TMEM120B: variants seen among roughly 807,000 people sequenced by gnomAD.
TMEM120B encodes transmembrane protein 120B.
A neutral mutation model predicts 55.5 loss-of-function variants in TMEM120B; 31 were observed. The ratio of observed to expected loss-of-function variants is 0.56; its 90% confidence interval spans 0.42 to 0.75. TMEM120B has a LOEUF of 0.75. Ranked by LOEUF, TMEM120B falls within the 30% of genes least tolerant of loss-of-function variation. TMEM120B has a pLI of 0.00. For synonymous variants in TMEM120B, 203 were observed against 176.3 expected (o/e 1.15, Z -1.20); for missense variants, 399 against 425.5 (o/e 0.94, Z 0.55).
At position 121,712,854 on chromosome 12, in the gene TMEM120B, G is replaced by A. The variant is rs1894625049; in HGVS notation, c.-42G>A. The stretch of plus-strand genomic sequence containing the variant: ...GCTGGGGGGCCGGTCGGGCAGCGCT[G>A]CGGGAGCAGCCGCCGGCACCGCCGC... On this transcript the variant is annotated 5_prime_UTR_variant, in exon 1 of 12. Transcript: ENST00000449592. 1 of 1,407,306 alleles carries A rather than the reference G, an allele frequency of 7.1e-7. No individual in the cohort carries two copies. Among genetic ancestry groups the A allele is most frequent in the Non-Finnish European group, 9.3e-7 (1 of 1,076,716 alleles). The allele number at this position is 1,407,306 out of a possible 1,614,324, so 87.2% of individuals were successfully genotyped here.
Position 121,775,623 on chromosome 12 carries a change from G to C in TMEM120B, c.921G>C (p.Ala307=). The C allele has an allele frequency of 6.2e-7, 1 of 1,613,820 alleles. No individual in the cohort carries two copies. The highest frequency in any genetic ancestry group is 2.2e-5 in the East Asian group (1 of 44,884). ...GACTCCCCCAGGTGTTCGTACTGGC[G>C]TTCACCTTCCTCATCCTCTTCCTCG... The part of the protein sequence containing the change: ...ECREWQVFVL[A]FTFLILFLGN... Residue 307 remains alanine, a synonymous_variant, in exon 12 of 12, where the codon GCG becomes GCC. Transcript: ENST00000449592. This position sits in a 1 kb window ranked among gnomAD's most constrained non-coding sequence, Gnocchi z 4.3.
intron 6 of TMEM120B, among the ~76,000 whole-genome samples, chr12:121,767,173 T>C (rs1280789505): frequency 6.6e-6 from 1 of 152,250 alleles, no homozygotes; most frequent in Non-Finnish European, 1.5e-5. Flanking sequence ...TTGTTTTGTT[T>C]TGTTTGAGAT....
At chr12:121,736,954 C>G (rs1040618509) in intron 1 of TMEM120B, among the ~76,000 whole-genome samples, 1 of 152,090 alleles carries the variant, frequency 6.6e-6, no homozygotes, top group African/African-American at 2.4e-5. Context: ...GTGGTTAAAG[C>G]TTCTATATAG....
At chr12:121,735,202 A>C (rs1460392270) in intron 1 of TMEM120B, among the ~76,000 whole-genome samples, 220 of 141,636 alleles carry the variant, frequency 1.6e-3, no homozygotes, top group African/African-American at 5.3e-3. Context: ...AAAAAAAAAC[A>C]AAAAAAAAAA....
chr12:121,781,081 A>G lies in TMEM120B; in HGVS notation c.*5359A>G. 6.2e-7 allele frequency: 1 copy of G among 1,614,182 alleles called. No homozygotes were observed. The highest frequency in any genetic ancestry group is 8.5e-7 in the Non-Finnish European group (1 of 1,180,012). On this transcript the variant is annotated 3_prime_UTR_variant, in exon 12 of 12. Coordinates refer to ENST00000449592, the MANE Select transcript of TMEM120B (RefSeq NM_001080825.2). Reference sequence around the variant, plus strand: ...GGCCACCACCCAGGAGGCCGGCCTCACCTTGATGAGGACGTTGTCGTAGCT... The same window carrying G: ...GGCCACCACCCAGGAGGCCGGCCTCGCCTTGATGAGGACGTTGTCGTAGCT...
At chr12:121,753,207 A>G (rs920143477) in intron 5 of TMEM120B, among the ~76,000 whole-genome samples, 1 of 152,204 alleles carries the variant, frequency 6.6e-6, no homozygotes, top group Admixed American at 6.5e-5. Context: ...AGAACCAGTC[A>G]CAAAAAGATA....
chr12:121,764,452 C>T (rs1430135562), intron 6 of TMEM120B, among the ~76,000 whole-genome samples: 2 of 151,836 alleles, frequency 1.3e-5, no homozygotes, highest in African/African-American at 4.8e-5. Context: ...ACCCGGGAGG[C>T]TGAGGTTGTG....
At chr12:121,713,997 T>G (rs1894648491) in intron 1 of TMEM120B, among the ~76,000 whole-genome samples, 1 of 152,102 alleles carries the variant, frequency 6.6e-6, no homozygotes, top group Non-Finnish European at 1.5e-5. Context: ...GAGAGGAGGT[T>G]GCCAAGGGTG....
At chr12:121,713,350 A>C (rs1158915623) in intron 1 of TMEM120B, among the ~76,000 whole-genome samples, 2 of 151,170 alleles carry the variant, frequency 1.3e-5, no homozygotes, top group Non-Finnish European at 3.0e-5. Flanking sequence ...GCCCCCTCCC[A>C]TCTGCTTTTG....
chr12:121,748,920 C>T (rs532879657), intron 3 of TMEM120B, among the ~76,000 whole-genome samples: 2 of 152,186 alleles, frequency 1.3e-5, no homozygotes, highest in Admixed American at 6.5e-5. Context: ...CTCCAAAGCC[C>T]ACGTTCTTTG....
chr12:121,732,362 C>G (rs918585183), intron 1 of TMEM120B, among the ~76,000 whole-genome samples: 2 of 152,058 alleles, frequency 1.3e-5, no homozygotes, highest in African/African-American at 2.4e-5. Context: ...AGAGCTAAGG[C>G]TGGGGGTGGA....
intron 6 of TMEM120B, 62 bp from the exon 7 acceptor site, chr12:121,770,845 C>G: frequency 4.0e-6 from 6 of 1,513,286 alleles, no homozygotes; most frequent in Non-Finnish European, 4.6e-6. Flanking sequence ...GGGGCCTCAG[C>G]GAGACACATG....
chr12:121,773,162 G>A (rs1307034107), intron 8 of TMEM120B, among the ~76,000 whole-genome samples: 1 of 152,238 alleles, frequency 6.6e-6, no homozygotes, highest in Non-Finnish European at 1.5e-5. Context: ...AATTCCAGAA[G>A]TTTCAAATCT....
intron 1 of TMEM120B, among the ~76,000 whole-genome samples, chr12:121,738,804 G>C (rs1872829295): frequency 6.6e-6 from 1 of 152,154 alleles, no homozygotes; most frequent in Admixed American, 6.6e-5. Flanking sequence ...GTAGCATGCT[G>C]GTCCCCACAC....
rs35018846 is a variant in TMEM120B at position 121,726,578 on chromosome 12, C to CAA, written c.69+13624_69+13625dup. On this transcript the variant is annotated intron_variant, in intron 1 of 11. Coordinates refer to ENST00000449592, the MANE Select transcript of TMEM120B (RefSeq NM_001080825.2). ...TGGGTGACAGAGCGAGACTCTGTCTCAAAAAAAAAAATAAAATAAAATAAT... is the reference window on the plus strand; with the variant it reads ...TGGGTGACAGAGCGAGACTCTGTCTCAAAAAAAAAAAAATAAAATAAAATAAT... 4.0e-3 allele frequency among the ~76,000 whole-genome samples: 518 copies of CAA among 130,892 alleles called. 4 individuals carry two copies. Among genetic ancestry groups the CAA allele is most frequent in the African/African-American group, 0.013 (430 of 34,032 alleles). The allele number at this position is 130,892 out of a possible 152,430, so 85.9% of individuals were successfully genotyped here. A position where few individuals can be genotyped will look rare whatever the true frequency, so the allele number is the denominator to read the frequency against.
At chr12:121,773,558 T>C in intron 9 of TMEM120B, 45 bp downstream of exon 9, 1 of 1,453,382 alleles carries the variant, frequency 6.9e-7, no homozygotes, top group South Asian at 1.3e-5. Flanking sequence ...GTACTGGACC[T>C]GCCAGCTCCC....
At position 121,769,478 on chromosome 12, in the gene TMEM120B, A is replaced by G. The variant is rs533229326; in HGVS notation, c.552-1429A>G. Among the ~76,000 whole-genome samples, 5 of 152,308 alleles carry G rather than the reference A, an allele frequency of 3.3e-5. No homozygotes were observed. In the South Asian group the frequency reaches 1.0e-3, roughly 32 times the overall value. ...CCTAGCACTTTGGAAGGCCAAGGCA[A>G]GAGGATTGCTTGAGCCCAGGAATTT... On this transcript the variant is annotated intron_variant, in intron 6 of 11. Coordinates refer to ENST00000449592, the MANE Select transcript of TMEM120B (RefSeq NM_001080825.2).
rs1272962888 is a variant in TMEM120B, at chr12:121,779,316, A to T, written c.*3594A>T. On this transcript the variant is annotated 3_prime_UTR_variant, in exon 12 of 12. Transcript: ENST00000449592. Reference sequence around the variant, plus strand: ...CCACCATGTCCCAGGGGCAGCCTGGAGGGGAGTTTGTGGTCAGAGCCCCAG... The same window carrying T: ...CCACCATGTCCCAGGGGCAGCCTGGTGGGGAGTTTGTGGTCAGAGCCCCAG... 1 of 653,064 alleles carries T rather than the reference A, an allele frequency of 1.5e-6. No homozygotes were observed. The highest frequency in any genetic ancestry group is 2.6e-6 in the Non-Finnish European group (1 of 387,262). The allele number at this position is 653,064 out of a possible 1,614,324, so 40.5% of individuals were successfully genotyped here. A position where few individuals can be genotyped will look rare whatever the true frequency, so the allele number is the denominator to read the frequency against.
chr12:121,759,284 G>A (rs984116167), intron 5 of TMEM120B, among the ~76,000 whole-genome samples: 2 of 152,126 alleles, frequency 1.3e-5, no homozygotes, highest in African/African-American at 4.8e-5. Flanking sequence ...ATCCGAACGG[G>A]TCTGCAGCGA....
Sources: allele counts gnomAD v4.1 joint callset (sites outside exome capture counted in the v4.1 genomes callset), GRCh38; gene constraint gnomAD v4.1.1; non-coding constraint Gnocchi (gnomAD v3.1); transcripts MANE v1.5; gene names NCBI Gene and HGNC (gene_info 2026-07-23, HGNC 2026-07-21).